The following TNFRSF19 variants were observed in gnomAD, a reference collection of about 807,000 sequenced individuals.
The protein encoded by TNFRSF19 is TNF receptor superfamily member 19.
Under a neutral mutation model 46.4 loss-of-function variants are expected in TNFRSF19, and 27 were observed. The observed-to-expected ratio is 0.58, with a 90% CI of 0.43 to 0.80. TNFRSF19 has a LOEUF of 0.80. Ranked by LOEUF, TNFRSF19 falls within the 30% of genes least tolerant of loss-of-function variation. The pLI is 0.00. For missense variants in TNFRSF19, 511 were observed against 530.8 expected, an observed-to-expected ratio of 0.96 and a Z score of 0.37; for synonymous variants, 204 against 205.0, an observed-to-expected ratio of 1.00 and a Z score of 0.04.
intron 5 of TNFRSF19, among the ~76,000 whole-genome samples, chr13:23,635,804 C>T (rs1404829482): frequency 6.6e-6 from 1 of 152,090 alleles, no homozygotes. Context: ...ATTTAAGAAA[C>T]ATTTTTCTTG....
intron 7 of TNFRSF19, among the ~76,000 whole-genome samples, chr13:23,663,584 G>T (rs1451973958): frequency 6.6e-6 from 1 of 152,152 alleles, no homozygotes; most frequent in Non-Finnish European, 1.5e-5. Context: ...CAGTGGGAAT[G>T]GTACCAGCTC....
chr13:23,614,907 A>G (rs1451915109), intron 3 of TNFRSF19, among the ~76,000 whole-genome samples: 1 of 152,002 alleles, frequency 6.6e-6, no homozygotes, highest in African/African-American at 2.4e-5. Flanking sequence ...CTATCCCCCA[A>G]TCTATGAAAT....
chr13:23,621,928 G>A (rs1286580222), intron 4 of TNFRSF19, among the ~76,000 whole-genome samples: 2 of 152,078 alleles, frequency 1.3e-5, no homozygotes, highest in Admixed American at 6.6e-5. Flanking sequence ...TCCAGCCTGG[G>A]TGACAGAGCG....
intron 4 of TNFRSF19, among the ~76,000 whole-genome samples, chr13:23,617,072 C>A (rs1881349316): frequency 6.6e-6 from 1 of 151,974 alleles, no homozygotes. Context: ...AAGGTGAGAT[C>A]TGAGCAAAGG....
At chr13:23,623,487 A>G (rs1478856462) in intron 4 of TNFRSF19, among the ~76,000 whole-genome samples, 3 of 152,186 alleles carry the variant, frequency 2.0e-5, no homozygotes, top group Admixed American at 6.5e-5. Context: ...GCTGGATTAT[A>G]TGGTAGTTCT....
At chr13:23,632,271 C>T (rs1007168042) in intron 5 of TNFRSF19, among the ~76,000 whole-genome samples, 1 of 152,204 alleles carries the variant, frequency 6.6e-6, no homozygotes, top group Non-Finnish European at 1.5e-5. Flanking sequence ...GTTTCAGGAA[C>T]ACATAACTGC....
intron 3 of TNFRSF19, 42 bp downstream of exon 3, chr13:23,593,497 A>G: frequency 2.3e-6 from 3 of 1,323,994 alleles, no homozygotes; most frequent in Non-Finnish European, 3.2e-6. Flanking sequence ...TGTGTTTGTA[A>G]AATGCATTCG....
chr13:23,591,728 CTTTT>C (rs1238199379), intron 2 of TNFRSF19, among the ~76,000 whole-genome samples: 1 of 103,656 alleles, frequency 9.6e-6, no homozygotes, highest in African/African-American at 3.4e-5. Flanking sequence ...TTCTTTCTTT[CTTTT>C]TTTTTTTTTT....
chr13:23,596,949 C>A (rs1879774854), intron 3 of TNFRSF19, among the ~76,000 whole-genome samples: 2 of 152,314 alleles, frequency 1.3e-5, no homozygotes, highest in Middle Eastern at 6.8e-3. Context: ...GAAACTCACT[C>A]AAAGCCGCAC....
chr13:23,666,849 G>A (rs928076678), intron 7 of TNFRSF19, among the ~76,000 whole-genome samples: 4 of 152,018 alleles, frequency 2.6e-5, no homozygotes, highest in East Asian at 3.8e-4. Context: ...TGTTTCTCAC[G>A]GGCTTGCAAT....
At chr13:23,649,896 C>A (rs1393520735) in intron 5 of TNFRSF19, among the ~76,000 whole-genome samples, 4 of 152,008 alleles carry the variant, frequency 2.6e-5, no homozygotes, top group Non-Finnish European at 4.4e-5. Context: ...AATTTTGTTC[C>A]TTTATGATTG....
intron 1 of TNFRSF19, among the ~76,000 whole-genome samples, chr13:23,572,474 C>A (rs1030366163): frequency 2.0e-5 from 3 of 152,128 alleles, no homozygotes; most frequent in Non-Finnish European, 4.4e-5. Flanking sequence ...GAAACTTGCT[C>A]ATTTAGTTCA....
At chr13:23,613,639 T>C (rs1157225563) in intron 3 of TNFRSF19, among the ~76,000 whole-genome samples, 4 of 152,230 alleles carry the variant, frequency 2.6e-5, no homozygotes, top group African/African-American at 9.6e-5. Context: ...AATACTCTGC[T>C]CTTTCCTGAA....
chr13:23,602,995 A>G (rs981160292), intron 3 of TNFRSF19, among the ~76,000 whole-genome samples: 15 of 152,056 alleles, frequency 9.9e-5, no homozygotes, highest in African/African-American at 2.9e-4. Context: ...ATAAATAACT[A>G]TTAAAGCAGA....
intron 1 of TNFRSF19, among the ~76,000 whole-genome samples, chr13:23,583,020 G>A (rs892538534): frequency 3.9e-5 from 6 of 152,172 alleles, no homozygotes; most frequent in Admixed American, 3.3e-4. Flanking sequence ...AAACTGCTAT[G>A]AACATTCATG....
intron 4 of TNFRSF19, among the ~76,000 whole-genome samples, chr13:23,621,856 G>C (rs930859545): frequency 7.2e-5 from 11 of 151,924 alleles, no homozygotes; most frequent in African/African-American, 2.7e-4. Context: ...AGGCTAAGAT[G>C]GGAGGATGGC....
At chr13:23,597,780 C>A (rs1233415660) in intron 3 of TNFRSF19, among the ~76,000 whole-genome samples, 1 of 152,092 alleles carries the variant, frequency 6.6e-6, no homozygotes, top group Admixed American at 6.5e-5. Flanking sequence ...CAAAACCTGG[C>A]AGAGACACAA....
At chr13:23,608,597 T>G (rs1456234787) in intron 3 of TNFRSF19, among the ~76,000 whole-genome samples, 1 of 152,188 alleles carries the variant, frequency 6.6e-6, no homozygotes, top group African/African-American at 2.4e-5. Flanking sequence ...TTCTCTCTGA[T>G]AGAACTGTCT....
chr13:23,657,911 A>G (rs1228567182), intron 5 of TNFRSF19, among the ~76,000 whole-genome samples: 1 of 152,146 alleles, frequency 6.6e-6, no homozygotes, highest in East Asian at 1.9e-4. Context: ...TGAAGCACAC[A>G]TTATACCTCT....
Sources: gnomAD v4.1 joint callset for allele counts (sites outside exome capture counted in the v4.1 genomes callset) on GRCh38, gnomAD v4.1.1 for gene constraint, MANE v1.5 for transcripts, NCBI Gene and HGNC (gene_info 2026-07-23, HGNC 2026-07-21) for gene names.